The following IGF2BP2 variants were observed in gnomAD, a reference collection of about 807,000 sequenced individuals.
IGF2BP2 encodes insulin like growth factor 2 mRNA binding protein 2, also known as insulin-like growth factor 2 mRNA-binding protein 2.
IGF2BP2 carries 17 observed loss-of-function variants against 75.8 expected under a neutral mutation model. The observed-to-expected ratio is 0.22, with a 90% CI of 0.15 to 0.34. The LOEUF (loss-of-function observed/expected upper bound fraction) is 0.34, where lower values mean the gene tolerates loss of function less well. Ranked by LOEUF, IGF2BP2 falls within the 10% of genes least tolerant of loss-of-function variation. The pLI is 1.00. For synonymous variants in IGF2BP2, 288 were observed against 295.6 expected, an observed-to-expected ratio of 0.97 and a Z score of 0.26; for missense variants, 516 against 772.4, an observed-to-expected ratio of 0.67 and a Z score of 3.93.
At chr3:185,733,482 C>T (rs769697095) in intron 2 of IGF2BP2, among the ~76,000 whole-genome samples, 1 of 152,188 alleles carries the variant, frequency 6.6e-6, no homozygotes, top group Non-Finnish European at 1.5e-5. Context: ...CCAGACTGGG[C>T]GCGGTGGCTC....
In IGF2BP2 at chr3:185,647,489, C is replaced by A. The variant is rs142083520; in HGVS notation, c.1594-351G>T. ...ATACCCCCCCACTCCCCACCCCTAC[C>A]CTGTAAGATCATTCCTCCTGGACAT... On this transcript the variant is annotated intron_variant, in intron 14 of 15. Transcript: ENST00000382199. The surrounding 1 kb of genome is among the most constrained non-coding windows in gnomAD (Gnocchi z 4.9). Among the ~76,000 whole-genome samples, 137 of 152,216 alleles carry A rather than the reference C, an allele frequency of 9.0e-4. 1 individual carries two copies. The highest frequency in any genetic ancestry group is 2.8e-3 in the African/African-American group (118 of 41,540).
At chr3:185,820,229 T>TACACAC (rs1280743933) in intron 2 of IGF2BP2, among the ~76,000 whole-genome samples, 4 of 133,916 alleles carry the variant, frequency 3.0e-5, no homozygotes, top group South Asian at 4.8e-4. Flanking sequence ...TGTGTATATA[T>TACACAC]ACACATACAC....
At chr3:185,690,030 G>A (rs1300193303) in intron 5 of IGF2BP2, among the ~76,000 whole-genome samples, 6 of 151,748 alleles carry the variant, frequency 4.0e-5, no homozygotes, top group Non-Finnish European at 8.8e-5. Flanking sequence ...CATTTAATAG[G>A]TGCCTATATG....
At chr3:185,796,752 T>C (rs1326046538) in intron 2 of IGF2BP2, among the ~76,000 whole-genome samples, 3 of 152,198 alleles carry the variant, frequency 2.0e-5, no homozygotes, top group African/African-American at 7.2e-5. Flanking sequence ...CGGTTTACTC[T>C]GAGTCACTGT....
chr3:185,811,936 A>G (rs990329384), intron 2 of IGF2BP2, among the ~76,000 whole-genome samples: 1 of 151,804 alleles, frequency 6.6e-6, no homozygotes, highest in Non-Finnish European at 1.5e-5. Flanking sequence ...ACACGTAGCT[A>G]AATTCCAAGG....
In IGF2BP2 at chr3:185,791,319, A is replaced by G. The variant is rs138254035; in HGVS notation, c.239+31834T>C. ...TTCGACATAAATTCTTGAGTTTCAC[A>G]TAAGTTCTAGCTGTAATCCCAGCTA... On this transcript the variant is annotated intron_variant, in intron 2 of 15. Transcript: ENST00000382199. 5.8e-3 allele frequency among the ~76,000 whole-genome samples: 881 copies of G among 152,364 alleles called. 7 individuals carry two copies. Among genetic ancestry groups the G allele is most frequent in the Middle Eastern group, 0.037 (11 of 294 alleles).
chr3:185,738,464 G>T (rs1390430194), intron 2 of IGF2BP2, among the ~76,000 whole-genome samples: 1 of 152,170 alleles, frequency 6.6e-6, no homozygotes, highest in African/African-American at 2.4e-5. Context: ...AGTCAGGAAG[G>T]GCTTCAGGGA....
intron 2 of IGF2BP2, among the ~76,000 whole-genome samples, chr3:185,791,385 C>T (rs1736623640): frequency 6.6e-6 from 1 of 152,238 alleles, no homozygotes; most frequent in South Asian, 2.1e-4. Context: ...AGCCCAGGAG[C>T]TTGCGCCCAG....
chr3:185,656,663 G>A (rs1257929925), intron 12 of IGF2BP2, among the ~76,000 whole-genome samples: 1 of 152,186 alleles, frequency 6.6e-6, no homozygotes, highest in Admixed American at 6.5e-5. Flanking sequence ...GCAGGACCAG[G>A]GGCAAATAAT....
chr3:185,748,135 A>C (rs1730505068), intron 2 of IGF2BP2, among the ~76,000 whole-genome samples: 1 of 151,696 alleles, frequency 6.6e-6, no homozygotes, highest in Non-Finnish European at 1.5e-5. Context: ...CGATCTCCTG[A>C]CCTTGTGATC....
Position 185,692,773 on chromosome 3 carries a change from G to A in IGF2BP2, c.341-11C>T, listed in dbSNP as rs1722118680. ...CTGTGTCTGTGTTGACTAGGGAAAA[G>A]GCAAAAACTACACTGTCATAGGAAA... is the stretch of plus-strand genomic sequence containing the variant. On this transcript the variant is annotated splice_polypyrimidine_tract_variant and intron_variant, in intron 4 of 15. Transcript: ENST00000382199. 6.2e-7 allele frequency: 1 copy of A among 1,613,110 alleles called. No individual in the cohort carries two copies. Among genetic ancestry groups the A allele is most frequent in the African/African-American group, 1.3e-5 (1 of 74,880 alleles).
At chr3:185,781,981 C>T (rs1327498844) in intron 2 of IGF2BP2, among the ~76,000 whole-genome samples, 1 of 151,852 alleles carries the variant, frequency 6.6e-6, no homozygotes, top group African/African-American at 2.4e-5. Flanking sequence ...TAGAATTGGG[C>T]AGAATATATA....
At chr3:185,664,368 TG>T (rs916904818) in intron 10 of IGF2BP2, among the ~76,000 whole-genome samples, 1 of 152,186 alleles carries the variant, frequency 6.6e-6, no homozygotes, top group Non-Finnish European at 1.5e-5. Context: ...CCCTAAGGAT[TG>T]TAATTATGCT....
intron 2 of IGF2BP2, among the ~76,000 whole-genome samples, chr3:185,725,852 TC>T (rs1645978761): frequency 6.6e-6 from 1 of 152,156 alleles, no homozygotes; most frequent in African/African-American, 2.4e-5. Context: ...GTGCTTGTAG[TC>T]CCAGTTACTT....
rs1726109590 is a variant in IGF2BP2, at chr3:185,719,079, G to C, written c.240-20732C>G. On this transcript the variant is annotated intron_variant, in intron 2 of 15. Coordinates refer to ENST00000382199, the MANE Select transcript of IGF2BP2 (RefSeq NM_006548.6). Reference sequence around the variant, plus strand: ...AAGCAGACAGAGGAAGAAACAGACTGTGTTTGGACAAGAGAAAATAGGGTA... The same window carrying C: ...AAGCAGACAGAGGAAGAAACAGACTCTGTTTGGACAAGAGAAAATAGGGTA... 4.6e-5 allele frequency among the ~76,000 whole-genome samples: 7 copies of C among 152,308 alleles called. No individual in the cohort carries two copies. In the South Asian group the frequency reaches 1.2e-3, roughly 27 times the overall value.
Position 185,824,904 on chromosome 3 carries a change from G to A in IGF2BP2, c.57C>T (p.Leu19=), listed in dbSNP as rs766079877. 8 of 1,572,924 alleles carry A rather than the reference G, an allele frequency of 5.1e-6. No individual in the cohort carries two copies. The highest frequency in any genetic ancestry group is 6.9e-6 in the Non-Finnish European group (8 of 1,158,458). ...GCTTCCTGTCCCCAAAGAGCTGCCG[G>A]AGGTCGTCGGCGGTGACGGCGGGGC... ...NLSPAVTADD[L]RQLFGDRKLP... Residue 19 remains leucine, a synonymous_variant, in exon 1 of 16, where the codon CTC becomes CTT. Transcript: ENST00000382199.
At chr3:185,734,154 T>C (rs1332717993) in intron 2 of IGF2BP2, among the ~76,000 whole-genome samples, 1 of 152,216 alleles carries the variant, frequency 6.6e-6, no homozygotes. Context: ...TGCTCACCTC[T>C]GCTCCGGCAC....
intron 2 of IGF2BP2, among the ~76,000 whole-genome samples, chr3:185,770,426 T>TA (rs531525346): frequency 2.6e-5 from 4 of 152,240 alleles, no homozygotes; most frequent in Non-Finnish European, 5.9e-5. Flanking sequence ...GGGTTATATT[T>TA]AAAAAGGATT....
At chr3:185,823,271 T>C (rs1741595091) in intron 1 of IGF2BP2, 58 bp from the exon 2 acceptor site, 18 of 1,368,230 alleles carry the variant, frequency 1.3e-5, no homozygotes, top group Middle Eastern at 1.8e-4. Context: ...CGCGGGGGTC[T>C]AGGGGGGGCA....
Sources: gnomAD v4.1 joint callset for allele counts (sites outside exome capture counted in the v4.1 genomes callset) on GRCh38, gnomAD v4.1.1 for gene constraint, Gnocchi (gnomAD v3.1) non-coding constraint, MANE v1.5 for transcripts, NCBI Gene and HGNC (gene_info 2026-07-23, HGNC 2026-07-21) for gene names.